Variants in STIM1 observed in about 807,000 individuals in gnomAD.
STIM1 encodes the protein stromal interaction molecule 1.
In STIM1, 25 loss-of-function variants were observed where a neutral mutation model predicts 74.7. The ratio of observed to expected loss-of-function variants is 0.33; its 90% CI spans 0.24 to 0.47. The LOEUF (loss-of-function observed/expected upper bound fraction) is 0.47, where lower values mean the gene tolerates loss of function less well. STIM1 is among the 20% of genes least tolerant of loss of function. STIM1 has a pLI of 1.00. For missense variants in STIM1, 728 were observed against 920.8 expected (o/e 0.79, Z 2.71); for synonymous variants, 328 against 348.8 (o/e 0.94, Z 0.66).
At chr11:3,883,912 T>G (rs2091610347) in intron 1 of STIM1, among the ~76,000 whole-genome samples, 1 of 152,144 alleles carries the variant, frequency 6.6e-6, no homozygotes, top group Non-Finnish European at 1.5e-5. Context: ...GACCCTACTG[T>G]GTGCCAGAAA....
chr11:4,030,078 A>G (rs1385188323), intron 3 of STIM1, among the ~76,000 whole-genome samples: 1 of 152,180 alleles, frequency 6.6e-6, no homozygotes, highest in Non-Finnish European at 1.5e-5. Context: ...CTGTAATCCT[A>G]GCACTTTTGA....
chr11:4,083,167 A>T, intron 9 of STIM1, 96 bp from the exon 10 acceptor site: 1 of 1,357,856 alleles, frequency 7.4e-7, no homozygotes, highest in South Asian at 1.2e-5. Context: ...TTTTATTCAC[A>T]CATATTCTCA....
At chr11:4,076,082 C>T (rs1006668840) in intron 7 of STIM1, among the ~76,000 whole-genome samples, 1 of 152,000 alleles carries the variant, frequency 6.6e-6, no homozygotes, top group African/African-American at 2.4e-5. Flanking sequence ...TATAAATACA[C>T]ATATATATAG....
At chr11:3,965,532 G>A (rs1024230886) in intron 1 of STIM1, among the ~76,000 whole-genome samples, 2 of 152,184 alleles carry the variant, frequency 1.3e-5, no homozygotes, top group African/African-American at 2.4e-5. Flanking sequence ...ATATGTTTTT[G>A]TTGGTGAGGT....
intron 3 of STIM1, among the ~76,000 whole-genome samples, chr11:4,050,092 G>GCATA (rs2094227542): frequency 6.6e-6 from 1 of 152,134 alleles, no homozygotes; most frequent in African/African-American, 2.4e-5. Context: ...GGAAAAGCAA[G>GCATA]CATATCCCCT....
At chr11:3,913,803 C>T (rs2092601678) in intron 1 of STIM1, among the ~76,000 whole-genome samples, 1 of 152,138 alleles carries the variant, frequency 6.6e-6, no homozygotes. Flanking sequence ...CTATTTTCCG[C>T]TCCCGCTGGC....
At chr11:3,970,505 A>G (rs2135748078) in intron 2 of STIM1, among the ~76,000 whole-genome samples, 1 of 152,082 alleles carries the variant, frequency 6.6e-6, no homozygotes, top group East Asian at 1.9e-4. Context: ...GTGGGGTACC[A>G]GAAACCCTGG....
chr11:3,984,888 G>C (rs2093543376), intron 2 of STIM1, among the ~76,000 whole-genome samples: 1 of 152,164 alleles, frequency 6.6e-6, no homozygotes, highest in African/African-American at 2.4e-5. Flanking sequence ...ACATTTTAAG[G>C]GCTGTAATGG....
intron 1 of STIM1, among the ~76,000 whole-genome samples, chr11:3,872,250 A>C (rs1054013709): frequency 6.6e-5 from 10 of 151,962 alleles, no homozygotes; most frequent in African/African-American, 2.4e-4. Context: ...ACAGGGTTTC[A>C]CCATGTTGGC....
At chr11:3,871,159 G>A (rs754684510) in intron 1 of STIM1, among the ~76,000 whole-genome samples, 5 of 152,042 alleles carry the variant, frequency 3.3e-5, no homozygotes, top group Non-Finnish European at 7.4e-5. Flanking sequence ...GAGCCACGAC[G>A]CCCGGCCTCC....
intron 2 of STIM1, among the ~76,000 whole-genome samples, chr11:4,008,974 G>C (rs2093808707): frequency 1.3e-5 from 2 of 152,158 alleles, no homozygotes; most frequent in African/African-American, 4.8e-5. Flanking sequence ...TTAAGTAAAA[G>C]GTTAATAAAA....
intron 10 of STIM1, chr11:4,083,748 C>A: frequency 1.9e-6 from 1 of 515,826 alleles, no homozygotes; most frequent in South Asian, 2.4e-5. Context: ...TCCCTTCATT[C>A]TTTTTCACTT....
intron 1 of STIM1, among the ~76,000 whole-genome samples, chr11:3,933,707 C>T (rs552910042): frequency 3.0e-4 from 45 of 152,260 alleles, no homozygotes; most frequent in Non-Finnish European, 3.5e-4. Flanking sequence ...CGCCGCCCGC[C>T]GTCTACAATG....
intron 1 of STIM1, among the ~76,000 whole-genome samples, chr11:3,886,725 C>G (rs193009509): frequency 7.2e-6 from 1 of 139,356 alleles, no homozygotes; most frequent in African/African-American, 2.7e-5. Context: ...CTTATTTGGC[C>G]GGGTGCGGTG....
At chr11:3,984,237 T>C (rs965577828) in intron 2 of STIM1, among the ~76,000 whole-genome samples, 4 of 152,200 alleles carry the variant, frequency 2.6e-5, no homozygotes, top group African/African-American at 4.8e-5. Context: ...ATATATATTT[T>C]TTGCTACAGT....
rs1016680693 is a variant in STIM1 at position 4,091,803 on chromosome 11, G to C, written c.*5G>C. On this transcript the variant is annotated 3_prime_UTR_variant, in exon 13 of 13. Coordinates refer to ENST00000526596, the MANE Select transcript of STIM1 (RefSeq NM_001382567.1). ...AAGAAGCCTCTTAAGAAGTAGGCAG[G>C]ATGGGGTGGCAGTAAAGGGACAGCT... 2 of 1,601,852 alleles carry C rather than the reference G, an allele frequency of 1.2e-6. No individual in the cohort carries two copies. The highest frequency in any genetic ancestry group is 1.7e-6 in the Non-Finnish European group (2 of 1,179,968).
intron 1 of STIM1, among the ~76,000 whole-genome samples, chr11:3,927,915 A>G (rs1384019392): frequency 6.6e-6 from 1 of 152,242 alleles, no homozygotes; most frequent in Admixed American, 6.5e-5. Flanking sequence ...TATAGCAGCT[A>G]CAATAGCCTG....
At chr11:4,090,233 T>G (rs919227740) in intron 12 of STIM1, among the ~76,000 whole-genome samples, 1 of 152,204 alleles carries the variant, frequency 6.6e-6, no homozygotes, top group Non-Finnish European at 1.5e-5. Flanking sequence ...AACAGTCTTG[T>G]AAGATAAATT....
intron 1 of STIM1, among the ~76,000 whole-genome samples, chr11:3,899,419 G>C (rs1287442519): frequency 6.6e-6 from 1 of 152,188 alleles, no homozygotes; most frequent in Admixed American, 6.5e-5. Flanking sequence ...ATTTTGGGCT[G>C]AGACAATGGG....
Sources: gnomAD v4.1 joint callset for allele counts (sites outside exome capture counted in the v4.1 genomes callset) on GRCh38, gnomAD v4.1.1 for gene constraint, MANE v1.5 for transcripts, NCBI Gene and HGNC (gene_info 2026-07-23, HGNC 2026-07-21) for gene names.